The following EPYC variants were observed in gnomAD, a reference collection of about 807,000 sequenced individuals.
The protein encoded by EPYC is epiphycan, also known as dermatan sulfate proteoglycan 3.
EPYC carries 28 observed loss-of-function variants against 30.1 expected under a neutral mutation model. That is an observed-to-expected ratio of 0.93 (90% confidence interval 0.69 to 1.28). The LOEUF (loss-of-function observed/expected upper bound fraction) is 1.28, where lower values mean the gene tolerates loss of function less well. Ranked by LOEUF, EPYC falls within the 50% of genes most tolerant of loss-of-function variation. The pLI, the probability that EPYC is intolerant of heterozygous loss-of-function variation, is 0.00. For missense variants in EPYC, 382 were observed against 383.5 expected, an observed-to-expected ratio of 1.00 and a Z score of 0.03; for synonymous variants, 144 against 141.4, an observed-to-expected ratio of 1.02 and a Z score of -0.13.
chr12:90,987,647 A>T (rs1920786), intron 2 of EPYC, among the ~76,000 whole-genome samples: 134,784 of 152,216 alleles, frequency 0.89, 59,687 homozygotes, highest in South Asian at 0.95. Context: ...TAGATGAAAC[A>T]AGCTTTGAAT....
At chr12:90,971,440 C>T (rs1394906077) in intron 5 of EPYC, among the ~76,000 whole-genome samples, 6 of 151,968 alleles carry the variant, frequency 3.9e-5, no homozygotes, top group African/African-American at 7.3e-5. Context: ...GAGGCCGAAG[C>T]GGGAGGATCA....
chr12:90,968,324 G>C (rs1876951668), intron 6 of EPYC, among the ~76,000 whole-genome samples: 1 of 152,092 alleles, frequency 6.6e-6, no homozygotes, highest in Non-Finnish European at 1.5e-5. Flanking sequence ...CATCCTCCCA[G>C]CCATCCTGTA....
Position 90,978,265 on chromosome 12 carries a change from GAAAAA to G in EPYC, c.166-8_166-4del. The G allele has an allele frequency of 2.4e-5, 33 of 1,356,954 alleles. No homozygotes were observed. The highest frequency in any genetic ancestry group is 1.9e-4 in the Admixed American group (7 of 37,830). The allele number at this position is 1,356,954 out of a possible 1,614,324, so 84.1% of individuals were successfully genotyped here. ...GGCATCACTGTGGCTATTTCAATCT[GAAAAA>G]AAAAAAAAAAAGAGAATTTCTTCAG... On this transcript the variant is annotated splice_polypyrimidine_tract_variant and splice_region_variant and intron_variant, in intron 2 of 6. Transcript: ENST00000261172.
intron 5 of EPYC, among the ~76,000 whole-genome samples, chr12:90,971,467 C>T (rs1360809131): frequency 6.6e-6 from 1 of 151,918 alleles, no homozygotes; most frequent in African/African-American, 2.4e-5. Context: ...CCCAGGAGTT[C>T]GACACCAGCC....
chr12:90,994,307 T>G (rs1279039731), intron 2 of EPYC, among the ~76,000 whole-genome samples: 2 of 152,172 alleles, frequency 1.3e-5, no homozygotes, highest in Non-Finnish European at 2.9e-5. Context: ...AGTGATTCAA[T>G]GGTAAAGTTA....
chr12:90,975,679 A>G (rs571308193), intron 3 of EPYC, among the ~76,000 whole-genome samples: 1 of 152,190 alleles, frequency 6.6e-6, no homozygotes, highest in Non-Finnish European at 1.5e-5. Flanking sequence ...GATCCAACAT[A>G]CAGGTACTGA....
At chr12:90,975,541 CAA>C (rs1257328852) in intron 3 of EPYC, among the ~76,000 whole-genome samples, 1 of 151,792 alleles carries the variant, frequency 6.6e-6, no homozygotes, top group Non-Finnish European at 1.5e-5. Context: ...ACTTTAGAAA[CAA>C]AAATTTTCTT....
chr12:90,975,736 A>C (rs1332543431), intron 3 of EPYC, among the ~76,000 whole-genome samples: 1 of 152,114 alleles, frequency 6.6e-6, no homozygotes, highest in Non-Finnish European at 1.5e-5. Flanking sequence ...TTTAAATATA[A>C]GTAATGTTCT....
rs772077640 is a variant in EPYC at position 90,972,793 on chromosome 12, G to A, written c.499+29C>T. The A allele has an allele frequency of 1.4e-5, 23 of 1,602,560 alleles. No individual in the cohort carries two copies. The East Asian group carries it at 4.0e-4, about 28-fold the overall frequency. ...AAATTTAAAGGAAGTGTGTAAAGCG[G>A]TGAAGGCCGTTAATGCTGTCATCCA... is the stretch of plus-strand genomic sequence containing the variant. On this transcript the variant is annotated intron_variant, in intron 4 of 6. Transcript: ENST00000261172.
chr12:90,986,008 T>C (rs543214111), intron 2 of EPYC, among the ~76,000 whole-genome samples: 5 of 152,140 alleles, frequency 3.3e-5, no homozygotes, highest in African/African-American at 9.7e-5. Context: ...ACCTCCTTAT[T>C]TGTGATTGGC....
chr12:90,991,483 A>G (rs1592630087), intron 2 of EPYC, among the ~76,000 whole-genome samples: 1 of 151,834 alleles, frequency 6.6e-6, no homozygotes, highest in African/African-American at 2.4e-5. Context: ...AATGTTTTGG[A>G]CAGTGTTACT....
rs138911912 is a variant in EPYC at position 90,988,762 on chromosome 12, G to T, written c.166-10500C>A. On this transcript the variant is annotated intron_variant, in intron 2 of 6. Transcript: ENST00000261172. ...ATAAGAGATTCTATCTTGCTGACAT[G>T]ACTATCTAATGCAGGTAAACAAGTT... is the stretch of plus-strand genomic sequence containing the variant. Among the ~76,000 whole-genome samples the T allele has an allele frequency of 1.5e-4, 23 of 152,178 alleles. No homozygotes were observed. In the East Asian group the frequency reaches 4.4e-3, roughly 29 times the overall value.
At chr12:90,992,337 C>G (rs988675870) in intron 2 of EPYC, among the ~76,000 whole-genome samples, 2 of 152,202 alleles carry the variant, frequency 1.3e-5, no homozygotes, top group Non-Finnish European at 1.5e-5. Flanking sequence ...ACTGCACAGG[C>G]AGGGGATTAG....
intron 2 of EPYC, among the ~76,000 whole-genome samples, chr12:90,989,373 C>G (rs950629225): frequency 6.6e-6 from 1 of 151,764 alleles, no homozygotes; most frequent in African/African-American, 2.4e-5. Context: ...TAACTGAAGT[C>G]AAAATTAACA....
chr12:90,969,996 T>C, intron 6 of EPYC, 48 bp downstream of exon 6: 1 of 1,403,626 alleles, frequency 7.1e-7, no homozygotes. Flanking sequence ...CCTTTTTGGC[T>C]TTGCTTTCTC....
Position 90,970,052 on chromosome 12 carries a change from G to A in EPYC, c.790C>T (p.His264Tyr). Residue 264 changes from histidine to tyrosine, a missense_variant, in exon 6 of 7, where the codon CAC (histidine) becomes TAC (tyrosine). Transcript: ENST00000261172. ...TACTGGTAGACTCCTACCTGGAGGT[G>A]AAGGGCTCGTAGATTTTCTGGGAGT... ...LPLPENLRALHLQNNNILEMH... is the reference protein window; with the variant it reads ...LPLPENLRALYLQNNNILEMH... 1 of 1,613,218 alleles carries A rather than the reference G, an allele frequency of 6.2e-7. No homozygotes were observed.
At chr12:90,972,646 G>C in intron 4 of EPYC, 176 bp downstream of exon 4, 1 of 566,590 alleles carries the variant, frequency 1.8e-6, no homozygotes, top group Non-Finnish European at 3.0e-6. Context: ...TTGCTTATTT[G>C]TTGTTTTTCT....
intron 2 of EPYC, among the ~76,000 whole-genome samples, chr12:90,998,629 T>C (rs1877751300): frequency 6.6e-6 from 1 of 152,148 alleles, no homozygotes; most frequent in South Asian, 2.1e-4. Context: ...ATCCCTAGAC[T>C]CACAAATGCA....
intron 5 of EPYC, among the ~76,000 whole-genome samples, chr12:90,970,853 G>A (rs545268987): frequency 6.6e-6 from 1 of 152,296 alleles, no homozygotes; most frequent in South Asian, 2.1e-4. Context: ...GAATACTGTG[G>A]TGTCTCTCTA....
Sources: allele counts gnomAD v4.1 joint callset (sites outside exome capture counted in the v4.1 genomes callset), GRCh38; gene constraint gnomAD v4.1.1; transcripts MANE v1.5; gene names NCBI Gene and HGNC (gene_info 2026-07-23, HGNC 2026-07-21).